KIAA1549L: variants seen among roughly 807,000 people sequenced by gnomAD.
KIAA1549L encodes UPF0606 protein KIAA1549L.
A neutral mutation model predicts 160.7 loss-of-function variants in KIAA1549L; 88 were observed. The ratio of observed to expected loss-of-function variants is 0.55; its 90% CI spans 0.46 to 0.65. The LOEUF (loss-of-function observed/expected upper bound fraction) is 0.65. Ranked by LOEUF, KIAA1549L falls within the 30% of genes least tolerant of loss-of-function variation. KIAA1549L has a pLI of 0.00. For synonymous variants in KIAA1549L, 950 were observed against 976.7 expected (o/e 0.97, Z 0.51); for missense variants, 2,258 against 2,437.5 (o/e 0.93, Z 1.55).
chr11:33,635,347 A>G (rs1442573945), intron 16 of KIAA1549L, among the ~76,000 whole-genome samples: 1 of 152,212 alleles, frequency 6.6e-6, no homozygotes, highest in African/African-American at 2.4e-5. Flanking sequence ...TGGCCCAGGA[A>G]TTTATCTTGC....
intron 1 of KIAA1549L, among the ~76,000 whole-genome samples, chr11:33,380,309 C>T (rs554772118): frequency 1.3e-5 from 2 of 152,148 alleles, no homozygotes; most frequent in Non-Finnish European, 2.9e-5. Flanking sequence ...CACTCCTGTT[C>T]CTCCTGCTTG....
intron 1 of KIAA1549L, among the ~76,000 whole-genome samples, chr11:33,459,848 C>T (rs373964077): frequency 2.0e-5 from 3 of 147,290 alleles, no homozygotes; most frequent in African/African-American, 7.6e-5. Context: ...GTAGTCCCAG[C>T]TACTTGGGAG....
At chr11:33,509,289 C>T (rs1365798644) in intron 1 of KIAA1549L, among the ~76,000 whole-genome samples, 1 of 152,218 alleles carries the variant, frequency 6.6e-6, no homozygotes. Flanking sequence ...GACCACACTT[C>T]TGTTTTAATT....
chr11:33,573,633 TA>T (rs1855346903), intron 9 of KIAA1549L, among the ~76,000 whole-genome samples: 2 of 152,194 alleles, frequency 1.3e-5, no homozygotes, highest in Admixed American at 1.3e-4. Flanking sequence ...AACATTTTTG[TA>T]AAGTCTTTTA....
chr11:33,542,954 C>G lies in KIAA1549L; in HGVS notation c.1391C>G (p.Ala464Gly). ...AATTCCAGAGGGCCCGCCCTTTCGGCAGAACACACCTCTTCTTTGGTGCCT... is the reference window on the plus strand; with the variant it reads ...AATTCCAGAGGGCCCGCCCTTTCGGGAGAACACACCTCTTCTTTGGTGCCT... ...PENSRGPALS[A>G]EHTSSLVPSL... The change falls in exon 2 of 21, where the codon GCA becomes GGA. Residue 464 changes from alanine (A) to glycine (G), a missense_variant. Transcript: ENST00000658780. 1 of 1,614,064 alleles carries G rather than the reference C, an allele frequency of 6.2e-7. No individual in the cohort carries two copies. Among genetic ancestry groups the G allele is most frequent in the Admixed American group, 1.7e-5 (1 of 60,036 alleles).
At chr11:33,442,615 T>G (rs1388989954) in intron 1 of KIAA1549L, among the ~76,000 whole-genome samples, 1 of 152,234 alleles carries the variant, frequency 6.6e-6, no homozygotes, top group Admixed American at 6.5e-5. Context: ...TTCTTCAGTT[T>G]CACTAAATGT....
chr11:33,556,357 C>A (rs552134174), intron 6 of KIAA1549L, among the ~76,000 whole-genome samples: 15 of 152,268 alleles, frequency 9.9e-5, no homozygotes, highest in Non-Finnish European at 1.9e-4. Context: ...TATTTATACA[C>A]CCATGTTCAT....
At chr11:33,520,758 C>T (rs1853472615) in intron 1 of KIAA1549L, among the ~76,000 whole-genome samples, 1 of 142,596 alleles carries the variant, frequency 7.0e-6, no homozygotes, top group Non-Finnish European at 1.5e-5. Flanking sequence ...CTCTCCCCCT[C>T]TCTCGTAATT....
rs59140753 is a variant in KIAA1549L at position 33,661,879 on chromosome 11, CAAAAAAAAAA to C, written c.6159+883_6159+892del. On this transcript the variant is annotated intron_variant, in intron 20 of 20. Coordinates refer to ENST00000658780, the MANE Select transcript of KIAA1549L (RefSeq NM_012194.3). Reference sequence around the variant, plus strand: ...GGGGCGATAGAGCAAGACTATGTCTCAAAAAAAAAAAAAAAAAAAAAAAAAAAGAAACCCA... The same window carrying C: ...GGGGCGATAGAGCAAGACTATGTCTCAAAAAAAAAAAAAAAAAGAAACCCA... 6.3e-4 allele frequency among the ~76,000 whole-genome samples: 23 copies of C among 36,326 alleles called. No homozygotes were observed. The South Asian group carries it at 0.016, about 25-fold the overall frequency. The allele number at this position is 36,326 out of a possible 152,430, so 23.8% of individuals were successfully genotyped here. A position where few individuals can be genotyped will look rare whatever the true frequency, so the allele number is the denominator to read the frequency against.
intron 1 of KIAA1549L, among the ~76,000 whole-genome samples, chr11:33,455,802 AT>A (rs950975899): frequency 2.4e-4 from 37 of 152,094 alleles, no homozygotes; most frequent in Non-Finnish European, 3.5e-4. Context: ...ACTTATCTGT[AT>A]TTTTTTTAGA....
intron 10 of KIAA1549L, among the ~76,000 whole-genome samples, chr11:33,580,060 C>A (rs1311572044): frequency 6.6e-6 from 1 of 152,186 alleles, no homozygotes; most frequent in African/African-American, 2.4e-5. Flanking sequence ...AAGACTGGAG[C>A]ATGCAGTGCC....
chr11:33,618,697 T>G, intron 16 of KIAA1549L, 35 bp downstream of exon 16: 2 of 1,516,466 alleles, frequency 1.3e-6, no homozygotes, highest in Non-Finnish European at 1.8e-6. Context: ...ATACAAGCTT[T>G]CCTTTCCCCT....
intron 1 of KIAA1549L, among the ~76,000 whole-genome samples, chr11:33,499,609 C>T (rs1852898575): frequency 1.3e-5 from 2 of 152,158 alleles, no homozygotes; most frequent in African/African-American, 4.8e-5. Flanking sequence ...CCCATCTCTC[C>T]GTCTGGGTTT....
Position 33,545,302 on chromosome 11 carries a change from G to A in KIAA1549L, c.3309G>A (p.Ser1103=), listed in dbSNP as rs749563707. 9.3e-6 allele frequency: 15 copies of A among 1,613,658 alleles called. No individual in the cohort carries two copies. The highest frequency in any genetic ancestry group is 6.6e-5 in the South Asian group (6 of 91,076). Residue 1103 remains serine (S), a synonymous_variant, in exon 3 of 21, where the codon TCG becomes TCA. Coordinates refer to ENST00000658780, the MANE Select transcript of KIAA1549L (RefSeq NM_012194.3). Reference sequence around the variant, plus strand: ...CAGATGCTGTCCTTCCTGCTGCATCGGCTGCAGTGGTCACGACTGGCAAAA... The same window carrying A: ...CAGATGCTGTCCTTCCTGCTGCATCAGCTGCAGTGGTCACGACTGGCAAAA... ...ENTDAVLPAA[S]AAVVTTGKMA...
At chr11:33,482,089 G>T (rs982803732) in intron 1 of KIAA1549L, among the ~76,000 whole-genome samples, 3 of 152,132 alleles carry the variant, frequency 2.0e-5, no homozygotes, top group Non-Finnish European at 4.4e-5. Flanking sequence ...GATATTTAAT[G>T]TTTTGTATTA....
At position 33,543,734 on chromosome 11, in the gene KIAA1549L, T is replaced by C. The variant is rs1442980324; in HGVS notation, c.2171T>C (p.Leu724Ser). 4 of 1,613,926 alleles carry C rather than the reference T, an allele frequency of 2.5e-6. No homozygotes were observed. The African/African-American group carries it at 4.0e-5, about 16-fold the overall frequency. ...TTGCAGCAGCAAACAAATTATGATT[T>C]AAATGGACACACAATTAGCACCACA... is the stretch of plus-strand genomic sequence containing the variant. The part of the protein sequence containing the change: ...SGLQQQTNYD[L>S]NGHTISTTSW... Residue 724 changes from leucine to serine, a missense_variant, in exon 2 of 21, where the codon TTA (leucine) becomes TCA (serine). By Grantham distance (145) the Leu-to-Ser change is moderately radical (BLOSUM62 -2). Coordinates refer to ENST00000658780, the MANE Select transcript of KIAA1549L (RefSeq NM_012194.3).
intron 9 of KIAA1549L, among the ~76,000 whole-genome samples, chr11:33,573,428 T>A (rs1027682690): frequency 1.3e-5 from 2 of 152,202 alleles, no homozygotes; most frequent in African/African-American, 4.8e-5. Context: ...AACTTTATAT[T>A]TTGTGATTTG....
Position 33,669,741 on chromosome 11 carries a change from A to G in KIAA1549L, c.*1587A>G, listed in dbSNP as rs1852608890. On this transcript the variant is annotated 3_prime_UTR_variant, in exon 21 of 21. Coordinates refer to ENST00000658780, the MANE Select transcript of KIAA1549L (RefSeq NM_012194.3). ...CAAACTGTCAATGCACAGACTTTTC[A>G]AAGAAGTTGTTTATATTTTCCAATG... 1 of 152,244 alleles carries G rather than the reference A, an allele frequency of 6.6e-6. No individual in the cohort carries two copies. The highest frequency in any genetic ancestry group is 2.4e-5 in the African/African-American group (1 of 41,458). 9.4% of individuals were successfully genotyped at this position (152,244 alleles called of 1,614,324 possible).
intron 13 of KIAA1549L, among the ~76,000 whole-genome samples, chr11:33,604,796 A>C (rs1850454302): frequency 6.6e-6 from 1 of 152,182 alleles, no homozygotes; most frequent in Non-Finnish European, 1.5e-5. Flanking sequence ...CTTTGGGGAC[A>C]GAGGAGAGGG....
Sources: allele counts gnomAD v4.1 joint callset (sites outside exome capture counted in the v4.1 genomes callset), GRCh38; gene constraint gnomAD v4.1.1; transcripts MANE v1.5; gene names NCBI Gene and HGNC (gene_info 2026-07-23, HGNC 2026-07-21).